The following MFHAS1 variants were observed in gnomAD, a reference collection of about 807,000 sequenced individuals.
MFHAS1 encodes malignant fibrous histiocytoma-amplified sequence 1.
A neutral mutation model predicts 70.4 loss-of-function variants in MFHAS1; 50 were observed. The ratio of observed to expected loss-of-function variants is 0.71; its 90% CI spans 0.57 to 0.90. The LOEUF is 0.90. Among genes scored for constraint, MFHAS1 ranks in the 40% least tolerant of loss-of-function variants. MFHAS1 has a pLI of 0.00. For missense variants in MFHAS1, 1,795 were observed against 1,347.6 expected, an observed-to-expected ratio of 1.33 and a Z score of -5.20; for synonymous variants, 952 against 620.0, an observed-to-expected ratio of 1.54 and a Z score of -7.96.
rs548015485 is a variant in MFHAS1, at chr8:8,862,698, C to G, written c.2998+27363G>C. Among the ~76,000 whole-genome samples the G allele has an allele frequency of 1.1e-4, 16 of 152,186 alleles. No individual in the cohort carries two copies. In the South Asian group the frequency reaches 3.3e-3, roughly 32 times the overall value. ...AAACTCATAGAACACTAAGAGTGAA[C>G]CCTACCTAGTGTGAACTACTGGACT... is the stretch of plus-strand genomic sequence containing the variant. On this transcript the variant is annotated intron_variant, in intron 1 of 2. Coordinates refer to ENST00000276282, the MANE Select transcript of MFHAS1 (RefSeq NM_004225.3).
At chr8:8,824,521 T>TCTCACACACACACA (rs1484537416) in intron 1 of MFHAS1, among the ~76,000 whole-genome samples, 23 of 146,022 alleles carry the variant, frequency 1.6e-4, no homozygotes, top group African/African-American at 5.6e-4. Context: ...TCTCTCTCTT[T>TCTCACACACACACA]CACACACACA....
chr8:8,834,132 C>CAA (rs60770711), intron 1 of MFHAS1, among the ~76,000 whole-genome samples: 145 of 145,714 alleles, frequency 1.0e-3, no homozygotes, highest in Non-Finnish European at 1.7e-3. Context: ...TCAAAAAAAA[C>CAA]AAAAAAAACA....
At chr8:8,813,931 A>G (rs1806641431) in intron 1 of MFHAS1, among the ~76,000 whole-genome samples, 1 of 148,078 alleles carries the variant, frequency 6.8e-6, no homozygotes, top group East Asian at 2.0e-4. Flanking sequence ...TGTATACCAC[A>G]TTTTTATCTT....
chr8:8,801,528 C>G (rs3827811), intron 1 of MFHAS1, among the ~76,000 whole-genome samples: 22 of 151,976 alleles, frequency 1.4e-4, no homozygotes, highest in Non-Finnish European at 3.1e-4. Flanking sequence ...ATTTAAGAAA[C>G]GTGCACAGTT....
Position 8,892,621 on chromosome 8 carries a change from C to T in MFHAS1, c.438G>A (p.Gln146=), listed in dbSNP as rs758415152. 6.2e-7 allele frequency: 1 copy of T among 1,606,442 alleles called. No individual in the cohort carries two copies. Among genetic ancestry groups the T allele is most frequent in the Non-Finnish European group, 8.5e-7 (1 of 1,177,106 alleles). Residue 146 remains glutamine, a synonymous_variant, in exon 1 of 3, where the codon CAG becomes CAA. Coordinates refer to ENST00000276282, the MANE Select transcript of MFHAS1 (RefSeq NM_004225.3). The surrounding 1 kb of genome is among the most constrained non-coding windows in gnomAD (Gnocchi z 4.7). ...CCAGCTGGGCGGGCAGGGCGGGCAG[C>T]TGGTTGTGGCTGAGGTTGAGCTTCC... ...ELRKLNLSHN[Q]LPALPAQLGA...
rs1162127555 is a variant in MFHAS1 at position 8,892,890 on chromosome 8, C to G, written c.169G>C (p.Val57Leu). The G allele has an allele frequency of 1.9e-6, 3 of 1,580,610 alleles. No individual in the cohort carries two copies. Among genetic ancestry groups the G allele is most frequent in the African/African-American group, 2.8e-5 (2 of 72,412 alleles). ...ATGTCCCCGAGGTTGGCCGGCAGCACGAGCTGGGGGGAGGCGGGGGACTCG... is the reference window on the plus strand; with the variant it reads ...ATGTCCCCGAGGTTGGCCGGCAGCAGGAGCTGGGGGGAGGCGGGGGACTCG... ...ALESPASPQL[V>L]LPANLGDIEA... Residue 57 changes from valine (V) to leucine (L), a missense_variant, in exon 1 of 3, where the codon GTG becomes CTG. By Grantham distance (32) the Val-to-Leu change is conservative. Coordinates refer to ENST00000276282, the MANE Select transcript of MFHAS1 (RefSeq NM_004225.3). This position sits in a 1 kb window ranked among gnomAD's most constrained non-coding sequence, Gnocchi z 4.7.
rs558907180 is a variant in MFHAS1, at chr8:8,892,061, T to C, written c.998A>G (p.Tyr333Cys). 9.9e-6 allele frequency: 16 copies of C among 1,613,146 alleles called. No individual in the cohort carries two copies. In the East Asian group the frequency reaches 3.3e-4, roughly 34 times the overall value. The change falls in exon 1 of 3, where the codon TAC becomes TGC. Residue 333 changes from tyrosine to cysteine, a missense_variant. Transcript: ENST00000276282. The surrounding 1 kb of genome is among the most constrained non-coding windows in gnomAD (Gnocchi z 4.7). ...TLWLDNNRIR[Y>C]LPDSIVELTG... Reference sequence around the variant, plus strand: ...CAGCTCCACGATGGAGTCCGGCAGGTAGCGGATGCGGTTATTATCCAGCCA... The same window carrying C: ...CAGCTCCACGATGGAGTCCGGCAGGCAGCGGATGCGGTTATTATCCAGCCA...
At chr8:8,855,179 C>G (rs992701714) in intron 1 of MFHAS1, among the ~76,000 whole-genome samples, 2 of 152,212 alleles carry the variant, frequency 1.3e-5, no homozygotes, top group Non-Finnish European at 2.9e-5. Context: ...TCTCGAACTC[C>G]TGGGCTCAGG....
intron 1 of MFHAS1, among the ~76,000 whole-genome samples, chr8:8,853,041 G>A (rs931475070): frequency 2.0e-5 from 3 of 152,086 alleles, no homozygotes; most frequent in African/African-American, 7.2e-5. Flanking sequence ...TCCTGATTCT[G>A]TTCTCAGCAG....
chr8:8,794,470 C>T (rs1432381831), intron 2 of MFHAS1, among the ~76,000 whole-genome samples: 1 of 152,196 alleles, frequency 6.6e-6, no homozygotes, highest in Non-Finnish European at 1.5e-5. Context: ...TGTTTTTGTC[C>T]ATGTGTTCAT....
intron 1 of MFHAS1, among the ~76,000 whole-genome samples, chr8:8,820,036 C>G (rs887539972): frequency 6.6e-5 from 10 of 152,126 alleles, no homozygotes; most frequent in Non-Finnish European, 1.2e-4. Context: ...TTAAAATAAA[C>G]AATCCCAGTG....
chr8:8,892,822 G>A lies in MFHAS1; in HGVS notation c.237C>T (p.Pro79=). The A allele has an allele frequency of 6.3e-7, 1 of 1,592,538 alleles. No homozygotes were observed. The highest frequency in any genetic ancestry group is 8.5e-7 in the Non-Finnish European group (1 of 1,170,116). The change falls in exon 1 of 3, where the codon CCC becomes CCT. Residue 79 remains proline (P), a synonymous_variant. Transcript: ENST00000276282. The surrounding 1 kb of genome is among the most constrained non-coding windows in gnomAD (Gnocchi z 4.7). The part of the protein sequence containing the change: ...NLGNNGLEEV[P]EGLGSALGSL... ...TGCCCAGCGCCGACCCCAGCCCCTC[G>A]GGTACCTCCTCCAGGCCGTTGTTCC...
In MFHAS1 at chr8:8,891,130, C is replaced by T. The variant is rs1460361248; in HGVS notation, c.1929G>A (p.Leu643=). 3 of 1,613,830 alleles carry T rather than the reference C, an allele frequency of 1.9e-6. No individual in the cohort carries two copies. Among genetic ancestry groups the T allele is most frequent in the Admixed American group, 1.7e-5 (1 of 60,032 alleles). ...AGATCTCTCGGTGCTCAGCAACTGA[C>T]AGCAACTTGTCCCGAAGGCGTCGTA... The part of the protein sequence containing the change: ...RHLRRLRDKL[L]SVAEHREIFP... The change falls in exon 1 of 3, where the codon CTG becomes CTA. Residue 643 remains leucine (L), a synonymous_variant. Coordinates refer to ENST00000276282, the MANE Select transcript of MFHAS1 (RefSeq NM_004225.3). The surrounding 1 kb of genome is among the most constrained non-coding windows in gnomAD (Gnocchi z 5.4).
chr8:8,797,563 C>G, intron 1 of MFHAS1, 72 bp from the exon 2 acceptor site: 2 of 1,524,086 alleles, frequency 1.3e-6, no homozygotes, highest in Non-Finnish European at 1.8e-6. Context: ...AAAGACAGCA[C>G]TGCCCGGGGA....
At chr8:8,826,605 C>T (rs1019480543) in intron 1 of MFHAS1, among the ~76,000 whole-genome samples, 7 of 152,200 alleles carry the variant, frequency 4.6e-5, no homozygotes, top group South Asian at 2.1e-4. Flanking sequence ...TGGTGGCGGG[C>T]GCCTGTAGTC....
intron 1 of MFHAS1, among the ~76,000 whole-genome samples, chr8:8,861,313 T>A (rs935413254): frequency 6.6e-6 from 1 of 152,242 alleles, no homozygotes; most frequent in Non-Finnish European, 1.5e-5. Flanking sequence ...ACTATACTTA[T>A]GCCACGTGAA....
At chr8:8,803,186 C>T (rs1021627515) in intron 1 of MFHAS1, among the ~76,000 whole-genome samples, 1 of 152,098 alleles carries the variant, frequency 6.6e-6, no homozygotes, top group Non-Finnish European at 1.5e-5. Flanking sequence ...TCCACGGATT[C>T]AACCAACTGC....
Position 8,864,091 on chromosome 8 carries a change from T to A in MFHAS1, c.2998+25970A>T, listed in dbSNP as rs563884413. Among the ~76,000 whole-genome samples the A allele has an allele frequency of 2.0e-5, 3 of 152,326 alleles. No homozygotes were observed. The East Asian group carries it at 5.8e-4, about 29-fold the overall frequency. On this transcript the variant is annotated intron_variant, in intron 1 of 2. Transcript: ENST00000276282. Reference sequence around the variant, plus strand: ...CCCCAATTTTAGTTGGTCAGGGAGATGGATTTGAGACTGAGCTCCCATCTC... The same window carrying A: ...CCCCAATTTTAGTTGGTCAGGGAGAAGGATTTGAGACTGAGCTCCCATCTC...
At chr8:8,839,781 G>A (rs759004503) in intron 1 of MFHAS1, among the ~76,000 whole-genome samples, 5 of 152,092 alleles carry the variant, frequency 3.3e-5, no homozygotes, top group Non-Finnish European at 7.4e-5. Context: ...AGCCCAAAGA[G>A]TAACGGTCAC....
Sources: allele counts gnomAD v4.1 joint callset (sites outside exome capture counted in the v4.1 genomes callset), GRCh38; gene constraint gnomAD v4.1.1; non-coding constraint Gnocchi (gnomAD v3.1); transcripts MANE v1.5; gene names NCBI Gene and HGNC (gene_info 2026-07-23, HGNC 2026-07-21).